The following FAT2 variants were observed in gnomAD, a reference collection of about 807,000 sequenced individuals.
FAT2 encodes the protein FAT atypical cadherin 2.
FAT2 carries 150 observed loss-of-function variants against 295.3 expected under a neutral mutation model. The ratio of observed to expected loss-of-function variants is 0.51; its 90% CI spans 0.44 to 0.58. FAT2 has a LOEUF of 0.58. FAT2 is among the 20% of genes least tolerant of loss of function. FAT2 has a pLI of 0.00. For synonymous variants in FAT2, 2,026 were observed against 2,150.3 expected (o/e 0.94, Z 1.60); for missense variants, 4,868 against 5,442.7 (o/e 0.89, Z 3.32).
rs757234141 is a variant in FAT2, at chr5:151,545,126, G to A, written c.6001C>T (p.Leu2001Phe). ...GAQGNHLNDT[L>F]SYFLLNGTDM... ...GTGCCATTCAAGAGAAAGTAGGAAA[G>A]GGTGTCATTCAAATGATTGCCCTGG... Residue 2001 changes from leucine (L) to phenylalanine (F), a missense_variant, in exon 10 of 24, where the codon CTT becomes TTT. Leu to Phe is a conservative substitution (Grantham distance 22, BLOSUM62 0). Transcript: ENST00000261800. The A allele has an allele frequency of 3.1e-6, 5 of 1,614,186 alleles. No individual in the cohort carries two copies. The highest frequency in any genetic ancestry group is 3.4e-6 in the Non-Finnish European group (4 of 1,180,032).
chr5:151,540,896 A>C, intron 10 of FAT2, 133 bp from the exon 11 acceptor site: 3 of 718,006 alleles, frequency 4.2e-6, no homozygotes, highest in Non-Finnish European at 6.4e-6. Context: ...TTAACTAGGA[A>C]CCCACGATTC....
intron 3 of FAT2, among the ~76,000 whole-genome samples, chr5:151,562,362 A>G (rs141558114): frequency 6.6e-6 from 1 of 152,294 alleles, no homozygotes; most frequent in Non-Finnish European, 1.5e-5. Context: ...AGCCTTCTCT[A>G]CAATAGGATT....
chr5:151,582,536 C>G (rs10074311), intron 1 of FAT2, among the ~76,000 whole-genome samples: 3,643 of 152,236 alleles, frequency 0.024, 86 homozygotes, highest in African/African-American at 0.052. Flanking sequence ...AACAAGTTCC[C>G]TGGGTGATTT....
In FAT2 at chr5:151,534,657, G is replaced by A; in HGVS notation, c.9194-15C>T. ...GGTCAGCTCCCCTGGTCGGAGAAATGACAAAAGTTGAGCTTTCTCTGGGGA... is the reference window on the plus strand; with the variant it reads ...GGTCAGCTCCCCTGGTCGGAGAAATAACAAAAGTTGAGCTTTCTCTGGGGA... On this transcript the variant is annotated splice_polypyrimidine_tract_variant and intron_variant, in intron 12 of 23. Transcript: ENST00000261800. 2 of 1,595,038 alleles carry A rather than the reference G, an allele frequency of 1.3e-6. No individual in the cohort carries two copies. The highest frequency in any genetic ancestry group is 1.7e-6 in the Non-Finnish European group (2 of 1,163,932).
chr5:151,512,566 C>T lies in FAT2; in HGVS notation c.11504G>A (p.Gly3835Asp). The T allele has an allele frequency of 1.2e-6, 2 of 1,613,826 alleles. No homozygotes were observed. Among genetic ancestry groups the T allele is most frequent in the Non-Finnish European group, 1.7e-6 (2 of 1,179,868 alleles). Residue 3835 changes from glycine (G) to aspartate (D), a missense_variant, in exon 21 of 24, where the codon GGT becomes GAT. This residue lies in a region of FAT2 where 1,046 missense variants were observed against 1,210.1 expected (regional missense o/e 0.86). Transcript: ENST00000261800. The surrounding 1 kb of genome is among the most constrained non-coding windows in gnomAD (Gnocchi z 4.1). ...GGAGGAAAGGTTTCCATAGAAACCA[C>T]CCAGACAGTGGTATTCCAGCTGGGG... is the stretch of plus-strand genomic sequence containing the variant. ...GVPQLEYHCL[G>D]GFYGNLSSQR... is the part of the protein sequence containing the mutation.
At chr5:151,516,881 G>A (rs1172042694) in intron 20 of FAT2, among the ~76,000 whole-genome samples, 9 of 152,084 alleles carry the variant, frequency 5.9e-5, no homozygotes, top group African/African-American at 1.7e-4. Flanking sequence ...CGAGGCAGGC[G>A]GATCACCTGA....
At chr5:151,533,241 A>G (rs1342499862) in intron 13 of FAT2, among the ~76,000 whole-genome samples, 1 of 152,130 alleles carries the variant, frequency 6.6e-6, no homozygotes, top group Non-Finnish European at 1.5e-5. Flanking sequence ...AGCAGTGGCT[A>G]ATGGAGCACT....
intron 18 of FAT2, among the ~76,000 whole-genome samples, chr5:151,523,316 G>C (rs1411015845): frequency 6.6e-6 from 1 of 152,072 alleles, no homozygotes; most frequent in Non-Finnish European, 1.5e-5. Flanking sequence ...TGAGTACAAT[G>C]CTAGTCATTA....
At chr5:151,506,982 G>A (rs889520718) in intron 23 of FAT2, among the ~76,000 whole-genome samples, 172 bp downstream of exon 23, 8 of 152,212 alleles carry the variant, frequency 5.3e-5, no homozygotes, top group African/African-American at 1.7e-4. Flanking sequence ...CAGAAACCTG[G>A]TATCTGCTCC....
At chr5:151,536,459 G>A (rs1755299966) in intron 12 of FAT2, among the ~76,000 whole-genome samples, 2 of 152,134 alleles carry the variant, frequency 1.3e-5, no homozygotes, top group African/African-American at 4.8e-5. Context: ...CCAAATGTCA[G>A]CAGCTGGCCC....
chr5:151,584,145 T>C (rs1041069240), intron 1 of FAT2, among the ~76,000 whole-genome samples: 2 of 152,050 alleles, frequency 1.3e-5, no homozygotes, highest in African/African-American at 4.8e-5. Flanking sequence ...TATGGGATCT[T>C]GGACCCTTCC....
Position 151,531,782 on chromosome 5 carries a change from C to T in FAT2, c.9616G>A (p.Val3206Ile). 3 of 1,612,718 alleles carry T rather than the reference C, an allele frequency of 1.9e-6. No homozygotes were observed. The Admixed American group carries it at 5.0e-5, about 27-fold the overall frequency. The change falls in exon 14 of 24, where the codon GTC becomes ATC. Residue 3206 changes from valine (V) to isoleucine (I), a missense_variant. By Grantham distance (29) the Val-to-Ile change is conservative (BLOSUM62 3). Coordinates refer to ENST00000261800, the MANE Select transcript of FAT2 (RefSeq NM_001447.3). This position sits in a 1 kb window ranked among gnomAD's most constrained non-coding sequence, Gnocchi z 5.7. Reference sequence around the variant, plus strand: ...TAGTCTTCTAGGCCCACCACCGAGACTGTGACGGTGCCCAGCGTGGACAGC... The same window carrying T: ...TAGTCTTCTAGGCCCACCACCGAGATTGTGACGGTGCCCAGCGTGGACAGC... ...IPLSTLGTVTVSVVGLEDYLP... is the reference protein window; with the variant it reads ...IPLSTLGTVTISVVGLEDYLP...
chr5:151,549,860 G>A (rs1436836685), intron 8 of FAT2, among the ~76,000 whole-genome samples: 1 of 152,180 alleles, frequency 6.6e-6, no homozygotes, highest in African/African-American at 2.4e-5. Context: ...AATTTGGGGA[G>A]CACTGAATTA....
rs901728015 is a variant in FAT2 at position 151,567,963 on chromosome 5, C to A, written c.969G>T (p.Met323Ile). The change falls in exon 2 of 24, where the codon ATG (methionine) becomes ATT (isoleucine). Residue 323 changes from methionine (M) to isoleucine (I), a missense_variant. By Grantham distance (10) the Met-to-Ile change is conservative. Transcript: ENST00000261800. ...TGAGGTTGAACCCATGAAGGTACTC[C>A]ATCCAGTTGATGTCTTTGACAGACA... is the stretch of plus-strand genomic sequence containing the variant. ...SLVSVKDINW[M>I]EYLHGFNLSL... 1 of 1,614,088 alleles carries A rather than the reference C, an allele frequency of 6.2e-7. No individual in the cohort carries two copies. The highest frequency in any genetic ancestry group is 1.7e-5 in the Admixed American group (1 of 60,000).
At position 151,521,818 on chromosome 5, in the gene FAT2, C is replaced by A. The variant is rs758745150; in HGVS notation, c.10775G>T (p.Gly3592Val). ...APDGKIIAAQGLPRGHYSFNV... is the reference protein window; with the variant it reads ...APDGKIIAAQVLPRGHYSFNV... ...GAACGAGTAGTGGCCACGAGGCAGG[C>A]CCTGGGCGGCGATAATCTTGCCATC... The change falls in exon 19 of 24, where the codon GGC (glycine) becomes GTC (valine). Residue 3592 changes from glycine to valine, a missense_variant. Gly to Val is a moderately radical substitution (Grantham distance 109). Coordinates refer to ENST00000261800, the MANE Select transcript of FAT2 (RefSeq NM_001447.3). 20 of 1,614,072 alleles carry A rather than the reference C, an allele frequency of 1.2e-5. No homozygotes were observed. In the East Asian group the frequency reaches 4.5e-4, roughly 36 times the overall value.
intron 17 of FAT2, among the ~76,000 whole-genome samples, chr5:151,526,510 C>G (rs1254495577): frequency 6.6e-6 from 1 of 152,192 alleles, no homozygotes; most frequent in African/African-American, 2.4e-5. Flanking sequence ...TACTATAACA[C>G]AATGGTTGCT....
Position 151,549,435 on chromosome 5 carries a change from A to C in FAT2, c.4649T>G (p.Leu1550Arg), listed in dbSNP as rs1425711129. 6.2e-7 allele frequency: 1 copy of C among 1,614,098 alleles called. No homozygotes were observed. Among genetic ancestry groups the C allele is most frequent in the South Asian group, 1.1e-5 (1 of 91,074 alleles). Residue 1550 changes from leucine (L) to arginine (R), a missense_variant, in exon 9 of 24, where the codon CTC becomes CGC. Leu to Arg is a moderately radical substitution (Grantham distance 102). Coordinates refer to ENST00000261800, the MANE Select transcript of FAT2 (RefSeq NM_001447.3). ...WVTIHVEDGN[L>R]HPPRFTQLHY... ...GAGCTGAGTGAAGCGGGGTGGGTGG[A>C]GGTTTCCATCCTCCACATGAATGGT...
At chr5:151,507,655 C>T (rs745440377) in intron 22 of FAT2, 44 bp from the exon 23 acceptor site, 1 of 1,517,900 alleles carries the variant, frequency 6.6e-7, no homozygotes, top group Non-Finnish European at 8.9e-7. Context: ...TGAAATTGCC[C>T]TTTCCATGTC....
chr5:151,532,833 C>T (rs1754797524), intron 13 of FAT2, among the ~76,000 whole-genome samples: 1 of 152,230 alleles, frequency 6.6e-6, no homozygotes. Context: ...CTAAGGGTCT[C>T]ACGTCTCCCA....
Sources: gnomAD v4.1 joint callset for allele counts (sites outside exome capture counted in the v4.1 genomes callset) on GRCh38, gnomAD v4.1.1 for gene constraint, gnomAD v4.1.1 regional missense constraint, Gnocchi (gnomAD v3.1) non-coding constraint, MANE v1.5 for transcripts, NCBI Gene and HGNC (gene_info 2026-07-23, HGNC 2026-07-21) for gene names.